The following NELFA variants were observed in gnomAD, a reference collection of about 807,000 sequenced individuals.
The protein encoded by NELFA is negative elongation factor complex member A.
A neutral mutation model predicts 51.8 loss-of-function variants in NELFA; 35 were observed. That is an observed-to-expected ratio of 0.68 (90% CI 0.52 to 0.90). The LOEUF (loss-of-function observed/expected upper bound fraction) is 0.90. Ranked by LOEUF, NELFA falls within the 40% of genes least tolerant of loss-of-function variation. The pLI, the probability that NELFA is intolerant of heterozygous loss-of-function variation, is 0.00. For synonymous variants in NELFA, 417 were observed against 338.4 expected (o/e 1.23, Z -2.55); for missense variants, 658 against 746.4 (o/e 0.88, Z 1.38).
At position 1,989,628 on chromosome 4, in the gene NELFA, A is replaced by C; in HGVS notation, c.544+80T>G. 1 of 1,448,512 alleles carries C rather than the reference A, an allele frequency of 6.9e-7. No homozygotes were observed. Among genetic ancestry groups the C allele is most frequent in the African/African-American group, 1.4e-5 (1 of 70,658 alleles). The allele number at this position is 1,448,512 out of a possible 1,614,324, so 89.7% of individuals were successfully genotyped here. A position where few individuals can be genotyped will look rare whatever the true frequency, so the allele number is the denominator to read the frequency against. On this transcript the variant is annotated intron_variant, in intron 3 of 10. Transcript: ENST00000382882. The surrounding 1 kb of genome is among the most constrained non-coding windows in gnomAD (Gnocchi z 4.8). ...GCCCAGAACGCCACCTTGAAGGGGC[A>C]GTCTTGGTACCTTAGAACCTAAGAA...
chr4:1,992,505 C>T, intron 1 of NELFA: 1 of 426,140 alleles, frequency 2.3e-6, no homozygotes. Context: ...TGTGCCTCTG[C>T]CATGCGCCCA....
At chr4:2,008,000 T>C (rs753331054) in intron 1 of NELFA, 3 of 456,814 alleles carry the variant, frequency 6.6e-6, no homozygotes, top group South Asian at 4.6e-5. Flanking sequence ...CAAAACGGCG[T>C]GTAGAAAAGA....
intron 1 of NELFA, among the ~76,000 whole-genome samples, chr4:1,996,326 C>T (rs914752743): frequency 1.3e-4 from 20 of 152,144 alleles, no homozygotes; most frequent in African/African-American, 4.6e-4. Flanking sequence ...AATAGTGTGA[C>T]GATACAGTTC....
intron 1 of NELFA, chr4:1,992,095 A>T: frequency 4.5e-6 from 1 of 222,114 alleles, no homozygotes; most frequent in South Asian, 6.0e-5. Flanking sequence ...CCTGGGGATG[A>T]GGGGCGTAGA....
At chr4:1,985,610 C>T (rs974771818) in intron 7 of NELFA, among the ~76,000 whole-genome samples, 166 bp downstream of exon 7, 1 of 152,218 alleles carries the variant, frequency 6.6e-6, no homozygotes, top group African/African-American at 2.4e-5. Flanking sequence ...CAGGGCACGG[C>T]CCACACTGCC....
At chr4:2,005,395 T>G (rs902630121) in intron 1 of NELFA, among the ~76,000 whole-genome samples, 1 of 151,954 alleles carries the variant, frequency 6.6e-6, no homozygotes, top group Non-Finnish European at 1.5e-5. Flanking sequence ...AAAAAAAAAT[T>G]TTGCAACTAG....
intron 1 of NELFA, among the ~76,000 whole-genome samples, chr4:1,997,024 G>T (rs1728445379): frequency 6.6e-6 from 1 of 152,126 alleles, no homozygotes; most frequent in African/African-American, 2.4e-5. Flanking sequence ...TGAGGCAGGA[G>T]ATCACTTGAG....
intron 2 of NELFA, 49 bp downstream of exon 2, chr4:1,991,495 A>G: frequency 6.3e-7 from 1 of 1,582,260 alleles, no homozygotes. Flanking sequence ...ATTTTTCAAG[A>G]AAGATCCATT....
At chr4:2,008,180 G>A (rs1008268690) in intron 1 of NELFA, 5 of 382,124 alleles carry the variant, frequency 1.3e-5, no homozygotes, top group African/African-American at 2.1e-5. Context: ...CGTCCCCGAC[G>A]GGAAACCCCG....
At chr4:1,996,080 T>C (rs1187379988) in intron 1 of NELFA, among the ~76,000 whole-genome samples, 1 of 152,198 alleles carries the variant, frequency 6.6e-6, no homozygotes, top group Non-Finnish European at 1.5e-5. Flanking sequence ...ATTTCAAAAC[T>C]AGAGTACATA....
At chr4:1,998,026 T>C (rs1728477881) in intron 1 of NELFA, among the ~76,000 whole-genome samples, 4 of 152,026 alleles carry the variant, frequency 2.6e-5, no homozygotes, top group Admixed American at 6.6e-5. Context: ...CCCAGCAAAC[T>C]GCAGCAGCCC....
intron 6 of NELFA, 61 bp from the exon 7 acceptor site, chr4:1,985,925 C>T (rs1027162979): frequency 1.4e-5 from 20 of 1,463,652 alleles, no homozygotes; most frequent in Non-Finnish European, 1.6e-5. Context: ...CAGCTCAGGG[C>T]AGCGGCAGGG....
At chr4:2,002,178 C>T (rs545257281) in intron 1 of NELFA, among the ~76,000 whole-genome samples, 2 of 151,400 alleles carry the variant, frequency 1.3e-5, no homozygotes, top group Non-Finnish European at 2.9e-5. Context: ...CCAGCCTGGG[C>T]GACAAAGCGA....
rs867042160 is a variant in NELFA, at chr4:1,986,464, G to A, written c.635-62C>T. 1.9e-6 allele frequency: 3 copies of A among 1,609,112 alleles called. No individual in the cohort carries two copies. The Admixed American group carries it at 5.0e-5, about 27-fold the overall frequency. ...GACCGGCAAACGTCCCCCACCCCGA[G>A]CTCAGAACGTCCCACCCTCTTCTAG... On this transcript the variant is annotated intron_variant, in intron 4 of 10. Coordinates refer to ENST00000382882, the MANE Select transcript of NELFA (RefSeq NM_005663.5).
At chr4:2,001,409 G>A (rs1288777258) in intron 1 of NELFA, among the ~76,000 whole-genome samples, 1 of 152,156 alleles carries the variant, frequency 6.6e-6, no homozygotes, top group Non-Finnish European at 1.5e-5. Context: ...CATCAACTCA[G>A]CCCAAAAACT....
At chr4:1,987,052 G>A (rs1405067363) in intron 4 of NELFA, among the ~76,000 whole-genome samples, 2 of 152,136 alleles carry the variant, frequency 1.3e-5, no homozygotes, top group African/African-American at 2.4e-5. Flanking sequence ...GTGGAACCTC[G>A]GCTGCGGTGG....
chr4:1,998,225 G>A (rs967737553), intron 1 of NELFA, among the ~76,000 whole-genome samples: 1 of 152,108 alleles, frequency 6.6e-6, no homozygotes, highest in Non-Finnish European at 1.5e-5. Context: ...CCAAAGGCCA[G>A]AGTGCCTCTT....
At chr4:2,008,187 C>A in intron 1 of NELFA, 1 of 375,768 alleles carries the variant, frequency 2.7e-6, no homozygotes. Context: ...GACGGGAAAC[C>A]CCGATGGGAG....
Position 1,983,084 on chromosome 4 carries a change from T to C in NELFA, c.*235A>G, listed in dbSNP as rs565258839. On this transcript the variant is annotated 3_prime_UTR_variant, in exon 11 of 11. Transcript: ENST00000382882. ...ACTTACTACATTCAAAAATGTAACG[T>C]TGAGTCCAAAAAGTGTCTTAAATCA... 2.1e-5 allele frequency: 9 copies of C among 425,720 alleles called. No homozygotes were observed. Among genetic ancestry groups the C allele is most frequent in the East Asian group, 1.1e-4 (3 of 27,516 alleles). The allele number at this position is 425,720 out of a possible 1,614,324, so 26.4% of individuals were successfully genotyped here. A position where few individuals can be genotyped will look rare whatever the true frequency, so the allele number is the denominator to read the frequency against.
Sources: gnomAD v4.1 joint callset for allele counts (sites outside exome capture counted in the v4.1 genomes callset) on GRCh38, gnomAD v4.1.1 for gene constraint, Gnocchi (gnomAD v3.1) non-coding constraint, MANE v1.5 for transcripts, NCBI Gene and HGNC (gene_info 2026-07-23, HGNC 2026-07-21) for gene names.